Variants in IGSF10 observed in about 807,000 individuals in gnomAD.
IGSF10 encodes the protein calvaria mechanical force protein 608.
IGSF10 carries 126 observed loss-of-function variants against 128.2 expected under a neutral mutation model. The ratio of observed to expected loss-of-function variants is 0.98; its 90% CI spans 0.85 to 1.14. The LOEUF is 1.14. Among genes scored for constraint, IGSF10 ranks in the 50% most tolerant of loss-of-function variants. The pLI is 0.00. For missense variants in IGSF10, 3,295 were observed against 3,149.8 expected, an observed-to-expected ratio of 1.05 and a Z score of -1.10; for synonymous variants, 1,185 against 1,146.2, an observed-to-expected ratio of 1.03 and a Z score of -0.68.
chr3:151,585,704 C>T, the IGSF10 span, among the ~76,000 whole-genome samples: 2 of 151,972 alleles, frequency 1.3e-5, no homozygotes, highest in Non-Finnish European at 2.9e-5. Context: ...CTGGAAATAG[C>T]TTCACTTATT....
the IGSF10 span, among the ~76,000 whole-genome samples, chr3:151,542,528 T>C: frequency 6.6e-6 from 1 of 152,228 alleles, no homozygotes; most frequent in African/African-American, 2.4e-5. Flanking sequence ...TGTATAAATA[T>C]ATATGCATGT....
Position 151,437,056 on chromosome 3 carries a change from C to T in IGSF10, c.7505G>A (p.Gly2502Glu), listed in dbSNP as rs1560168338. The T allele has an allele frequency of 2.5e-6, 4 of 1,614,178 alleles. No individual in the cohort carries two copies. Among genetic ancestry groups the T allele is most frequent in the East Asian group, 2.2e-5 (1 of 44,886 alleles). Residue 2502 changes from glycine to glutamate, a missense_variant, in exon 8 of 8, where the codon GGA becomes GAA. Gly to Glu is a moderately conservative substitution (Grantham distance 98). Transcript: ENST00000282466. ...ATTTTGAGCCTTACAGATATAGTTT[C>T]CTCTGTCATAAGCTGTTGCTTCTTT... ...VIKEATAYDR[G>E]NYICKAQNSV...
At position 151,446,277 on chromosome 3, in the gene IGSF10, A is replaced by G. The variant is rs1161820462; in HGVS notation, c.3704T>C (p.Leu1235Pro). 1 of 1,614,048 alleles carries G rather than the reference A, an allele frequency of 6.2e-7. No homozygotes were observed. Among genetic ancestry groups the G allele is most frequent in the South Asian group, 1.1e-5 (1 of 91,076 alleles). Residue 1235 changes from leucine (L) to proline (P), a missense_variant, in exon 6 of 8, where the codon CTT (leucine) becomes CCT (proline). Leu to Pro is a moderately conservative substitution (Grantham distance 98, BLOSUM62 -3). Coordinates refer to ENST00000282466, the MANE Select transcript of IGSF10 (RefSeq NM_178822.5). ...VSLQKSTAVM[L>P]PKTSPALPRD... is the part of the protein sequence containing the mutation. ...GGGTAAAGCAGGAGATGTTTTAGGA[A>G]GCATCACAGCTGTGCTTTTTTGTAA...
chr3:151,444,099 C>A (rs1560174929), intron 6 of IGSF10, among the ~76,000 whole-genome samples: 1 of 151,992 alleles, frequency 6.6e-6, no homozygotes, highest in African/African-American at 2.4e-5. Context: ...CATAGTGAGA[C>A]CCTGTCTCTA....
At chr3:151,496,749 T>A in the IGSF10 span, among the ~76,000 whole-genome samples, 9 of 151,806 alleles carry the variant, frequency 5.9e-5, no homozygotes, top group Admixed American at 4.0e-4. Context: ...CTGAGGAATT[T>A]CCACACTGAC....
chr3:151,463,539 T>TTTTG (rs1560185513), upstream of IGSF10, among the ~76,000 whole-genome samples: 1 of 107,484 alleles, frequency 9.3e-6, no homozygotes, highest in African/African-American at 3.9e-5. Flanking sequence ...TTTTTTTTTT[T>TTTTG]TTTTTTTTTT....
At position 151,447,886 on chromosome 3, in the gene IGSF10, G is replaced by A. The variant is rs550874179; in HGVS notation, c.2095C>T (p.Arg699Cys). Residue 699 changes from arginine (R) to cysteine (C), a missense_variant, in exon 6 of 8, where the codon CGT becomes TGT. Coordinates refer to ENST00000282466, the MANE Select transcript of IGSF10 (RefSeq NM_178822.5). ...HLKEPPGAQL[R>C]TSALMEAEVG... ...TCAGCCTCCATCAGAGCAGATGTAC[G>A]GAGTTGTGCACCTGGTGGCTCCTTA... 6.1e-5 allele frequency: 99 copies of A among 1,614,002 alleles called. No homozygotes were observed. The Admixed American group carries it at 7.7e-4, about 13-fold the overall frequency.
chr3:151,603,408 C>T, the IGSF10 span, among the ~76,000 whole-genome samples: 1 of 152,290 alleles, frequency 6.6e-6, no homozygotes, highest in Non-Finnish European at 1.5e-5. Context: ...ACAAGAAGTG[C>T]TAAGAAAGTG....
At position 151,438,555 on chromosome 3, in the gene IGSF10, A is replaced by C. The variant is rs144167004; in HGVS notation, c.6006T>G (p.Phe2002Leu). Residue 2002 changes from phenylalanine (F) to leucine (L), a missense_variant, in exon 8 of 8, where the codon TTT (phenylalanine) becomes TTG (leucine). Transcript: ENST00000282466. ...TGTCTTTTTCTGTTACTGATCCAAT[A>C]AACAGGGATCCATTAGGGTAGACGT... Reference protein sequence around the residue: ...WIHVYPNGSLFIGSVTEKDSG... With the variant: ...WIHVYPNGSLLIGSVTEKDSG... 1.8e-4 allele frequency: 295 copies of C among 1,613,758 alleles called. No individual in the cohort carries two copies. Among genetic ancestry groups the C allele is most frequent in the African/African-American group, 1.4e-3 (107 of 75,028 alleles).
rs2108543240 is a variant in IGSF10 at position 151,443,424 on chromosome 3, T to G, written c.5523A>C (p.Pro1841=). 1 of 1,614,174 alleles carries G rather than the reference T, an allele frequency of 6.2e-7. No individual in the cohort carries two copies. The highest frequency in any genetic ancestry group is 8.5e-7 in the Non-Finnish European group (1 of 1,180,032). ...GCCTCCTTTGCTCTAGAATAACAGG[T>G]GGTGCTGCAATGACTTGTATTTTAA... is the stretch of plus-strand genomic sequence containing the variant. ...LLVKIQVIAA[P]PVILEQRRQV... is the part of the protein sequence containing the mutation. The change falls in exon 7 of 8, where the codon CCA becomes CCC. Residue 1841 remains proline (P), a synonymous_variant. Coordinates refer to ENST00000282466, the MANE Select transcript of IGSF10 (RefSeq NM_178822.5).
chr3:151,436,721 C>T lies in IGSF10; in HGVS notation c.7840G>A (p.Asp2614Asn), dbSNP rs112889898. ...ACTTGAATATACGTTGCTGCATAAT[C>T]ACTACCAAGTGGGTTCTTTGCTGTG... is the stretch of plus-strand genomic sequence containing the variant. ...KCTAKNPLGSDYAATYIQVI is the reference protein window; with the variant it reads ...KCTAKNPLGSNYAATYIQVI Residue 2614 changes from aspartate to asparagine, a missense_variant, in exon 8 of 8, where the codon GAT becomes AAT. Physicochemically the swap from Asp to Asn is conservative, Grantham distance 23. Coordinates refer to ENST00000282466, the MANE Select transcript of IGSF10 (RefSeq NM_178822.5). The T allele has an allele frequency of 6.1e-3, 9,872 of 1,612,408 alleles. 75 individuals carry two copies. Among genetic ancestry groups the T allele is most frequent in the South Asian group, 0.025 (2,252 of 90,710 alleles).
the IGSF10 span, among the ~76,000 whole-genome samples, chr3:151,529,018 G>C: frequency 6.6e-6 from 1 of 152,064 alleles, no homozygotes; most frequent in East Asian, 1.9e-4. Context: ...CTTGGTGGGG[G>C]AGGGGAGTCC....
chr3:151,602,248 T>C, the IGSF10 span, among the ~76,000 whole-genome samples: 3 of 152,218 alleles, frequency 2.0e-5, no homozygotes, highest in African/African-American at 7.2e-5. Context: ...GGAGAATTTA[T>C]TGAATTGGAT....
the IGSF10 span, among the ~76,000 whole-genome samples, chr3:151,513,101 C>G: frequency 6.6e-6 from 1 of 152,108 alleles, no homozygotes; most frequent in African/African-American, 2.4e-5. Flanking sequence ...GGAATCCTCC[C>G]TAACTCATTT....
In IGSF10 at chr3:151,446,423, G is replaced by A. The variant is rs1721191661; in HGVS notation, c.3558C>T (p.Thr1186=). 1.2e-6 allele frequency: 2 copies of A among 1,613,826 alleles called. No homozygotes were observed. Among genetic ancestry groups the A allele is most frequent in the Admixed American group, 1.7e-5 (1 of 59,990 alleles). ...TGGCTATAATAGTCATTGGTGGCTTGGTGATAGCACCTGAAAGTGACGATG... is the reference window on the plus strand; with the variant it reads ...TGGCTATAATAGTCATTGGTGGCTTAGTGATAGCACCTGAAAGTGACGATG... ...VITSSLSGAI[T]KPPMTIIAIT... is the part of the protein sequence containing the mutation. The change falls in exon 6 of 8, where the codon ACC becomes ACT. Residue 1186 remains threonine, a synonymous_variant. Transcript: ENST00000282466.
the IGSF10 span, among the ~76,000 whole-genome samples, chr3:151,558,923 T>C: frequency 6.6e-6 from 1 of 152,108 alleles, no homozygotes; most frequent in Non-Finnish European, 1.5e-5. Flanking sequence ...TGTTTCCACC[T>C]AGTAAATTTT....
chr3:151,488,637 T>C, the IGSF10 span, among the ~76,000 whole-genome samples: 1 of 152,020 alleles, frequency 6.6e-6, no homozygotes, highest in Non-Finnish European at 1.5e-5. Flanking sequence ...TATGGACCAA[T>C]GGAACAGAAC....
the IGSF10 span, among the ~76,000 whole-genome samples, chr3:151,564,761 A>G: frequency 2.0e-5 from 3 of 152,212 alleles, no homozygotes; most frequent in African/African-American, 7.2e-5. Context: ...ATGAGAGAGC[A>G]TAATGACATG....
chr3:151,558,008 A>ATATATTATATATATAT, the IGSF10 span, among the ~76,000 whole-genome samples: 1 of 37,834 alleles, frequency 2.6e-5, no homozygotes, highest in African/African-American at 1.5e-4. Context: ...TATATATAAT[A>ATATATTATATATATAT]TATATATATA....
Sources: allele counts gnomAD v4.1 joint callset (sites outside exome capture counted in the v4.1 genomes callset), GRCh38; gene constraint gnomAD v4.1.1; transcripts MANE v1.5; gene names NCBI Gene and HGNC (gene_info 2026-07-23, HGNC 2026-07-21).